Variants in MIGA1 observed in about 807,000 individuals in gnomAD.
MIGA1 encodes the protein family with sequence similarity 73, member A.
A neutral mutation model predicts 82.0 loss-of-function variants in MIGA1; 58 were observed. That is an observed-to-expected ratio of 0.71 (90% confidence interval 0.57 to 0.88). MIGA1 has a LOEUF of 0.88. MIGA1 is among the 40% of genes least tolerant of loss of function. The pLI, the probability that MIGA1 is intolerant of heterozygous loss-of-function variation, is 0.00. For missense variants in MIGA1, 751 were observed against 749.1 expected (o/e 1.00, Z -0.03); for synonymous variants, 249 against 253.6 (o/e 0.98, Z 0.17).
intron 7 of MIGA1, among the ~76,000 whole-genome samples, chr1:77,829,746 C>T (rs1476560212): frequency 6.6e-6 from 1 of 152,174 alleles, no homozygotes; most frequent in Non-Finnish European, 1.5e-5. Context: ...CCTGAGATTA[C>T]AGGCGTGACC....
chr1:77,855,160 C>T lies in MIGA1; in HGVS notation c.997-3778C>T, dbSNP rs146188681. On this transcript the variant is annotated intron_variant, in intron 8 of 15. Coordinates refer to ENST00000370791, the MANE Select transcript of MIGA1 (RefSeq NM_198549.4). ...CATTTGTTGAAAAGGGTGTCTTTTC[C>T]CCATTTTATGTTTTTGTTTGTTTTG... 4.4e-3 allele frequency among the ~76,000 whole-genome samples: 676 copies of T among 152,152 alleles called. 3 individuals are homozygous for T. The highest frequency in any genetic ancestry group is 0.041 in the Middle Eastern group (12 of 294).
intron 8 of MIGA1, 121 bp downstream of exon 8, chr1:77,843,528 G>T: frequency 1.5e-6 from 1 of 679,316 alleles, no homozygotes. Context: ...TGTGGTAGGT[G>T]CCAGGATACA....
chr1:77,870,181 C>T (rs1685892503), intron 14 of MIGA1, among the ~76,000 whole-genome samples: 1 of 116,090 alleles, frequency 8.6e-6, no homozygotes, highest in Non-Finnish European at 2.0e-5. Flanking sequence ...AGAGGAGCCC[C>T]TCACCTCCCG....
In MIGA1 at chr1:77,877,831, CTTTTTT is replaced by C. The variant is rs1002728978; in HGVS notation, c.*2768_*2773del. The C allele has an allele frequency of 1.3e-5, 2 of 152,214 alleles. No homozygotes were observed. The highest frequency in any genetic ancestry group is 4.8e-5 in the African/African-American group (2 of 41,360). The allele number at this position is 152,214 out of a possible 1,614,324, so 9.4% of individuals were successfully genotyped here. On this transcript the variant is annotated 3_prime_UTR_variant, in exon 16 of 16. Coordinates refer to ENST00000370791, the MANE Select transcript of MIGA1 (RefSeq NM_198549.4). Reference sequence around the variant, plus strand: ...GTGTTGCTTTTTGTTTTTTCTTTTTCTTTTTTACATTTCATCTTAGAAAAAGTTGCT... The same window carrying C: ...GTGTTGCTTTTTGTTTTTTCTTTTTCACATTTCATCTTAGAAAAAGTTGCT...
intron 4 of MIGA1, among the ~76,000 whole-genome samples, chr1:77,805,503 G>A (rs952915303): frequency 1.4e-5 from 2 of 138,666 alleles, no homozygotes; most frequent in African/African-American, 5.3e-5. Flanking sequence ...TGTATTGATG[G>A]AATATACCTA....
intron 14 of MIGA1, among the ~76,000 whole-genome samples, chr1:77,872,583 A>C (rs1014297302): frequency 1.3e-5 from 2 of 152,218 alleles, no homozygotes; most frequent in African/African-American, 4.8e-5. Flanking sequence ...CCTGGGCTAC[A>C]GAGTGAGACC....
chr1:77,779,971 A>C (rs1300059571), intron 1 of MIGA1: 8 of 1,324,648 alleles, frequency 6.0e-6, no homozygotes. Flanking sequence ...GGGCCTGGTT[A>C]GTACTTGCAT....
Position 77,878,280 on chromosome 1 carries a change from G to T in MIGA1, c.*3216G>T, listed in dbSNP as rs1422088741. The T allele has an allele frequency of 2.6e-5, 4 of 151,498 alleles. No homozygotes were observed. The highest frequency in any genetic ancestry group is 4.9e-5 in the African/African-American group (2 of 41,122). The allele number at this position is 151,498 out of a possible 1,614,324, so 9.4% of individuals were successfully genotyped here. The stretch of plus-strand genomic sequence containing the variant: ...ATGGTGGCGCATGCCTGTAATCCCA[G>T]CTACTCGAGAGGCTGAGGCAGGAGA... On this transcript the variant is annotated 3_prime_UTR_variant, in exon 16 of 16. Transcript: ENST00000370791.
At chr1:77,809,092 G>C (rs148870803) in intron 5 of MIGA1, among the ~76,000 whole-genome samples, 1 of 151,854 alleles carries the variant, frequency 6.6e-6, no homozygotes, top group South Asian at 2.1e-4. Context: ...CTGGGTGACA[G>C]AGCCCGTTTT....
rs1221129836 is a variant in MIGA1 at position 77,803,416 on chromosome 1, G to GA, written c.510+16dup. On this transcript the variant is annotated intron_variant, in intron 4 of 15. Coordinates refer to ENST00000370791, the MANE Select transcript of MIGA1 (RefSeq NM_198549.4). ...ACAGAGTTTGGCCTCTGTAAGTACA[G>GA]AAAAAATATTAATTTTTAAAATTTT... 3 of 1,409,496 alleles carry GA rather than the reference G, an allele frequency of 2.1e-6. No individual in the cohort carries two copies. Among genetic ancestry groups the GA allele is most frequent in the Non-Finnish European group, 2.8e-6 (3 of 1,064,950 alleles). The allele number at this position is 1,409,496 out of a possible 1,614,324, so 87.3% of individuals were successfully genotyped here.
At chr1:77,780,662 C>T (rs1476502483) in intron 1 of MIGA1, among the ~76,000 whole-genome samples, 1 of 152,016 alleles carries the variant, frequency 6.6e-6, no homozygotes, top group Non-Finnish European at 1.5e-5. Flanking sequence ...TCACACAGGA[C>T]AATATTTTTG....
chr1:77,869,996 A>T (rs61778862), intron 14 of MIGA1, among the ~76,000 whole-genome samples: 3 of 100,936 alleles, frequency 3.0e-5, no homozygotes, highest in African/African-American at 1.1e-4. Context: ...GGATGGGGCG[A>T]CTGGCCGGGC....
chr1:77,873,190 T>C, intron 15 of MIGA1, 70 bp downstream of exon 15: 2 of 1,457,688 alleles, frequency 1.4e-6, no homozygotes, highest in Non-Finnish European at 9.4e-7. Context: ...TTATTCTGTT[T>C]TGTTTTGCTT....
intron 7 of MIGA1, among the ~76,000 whole-genome samples, chr1:77,824,762 A>T (rs1683965081): frequency 1.3e-5 from 2 of 152,226 alleles, no homozygotes; most frequent in African/African-American, 4.8e-5. Flanking sequence ...TATGATAAGA[A>T]AATAGCTTTG....
chr1:77,847,430 A>C lies in MIGA1; in HGVS notation c.996+4023A>C, dbSNP rs1000428043. On this transcript the variant is annotated intron_variant, in intron 8 of 15. Transcript: ENST00000370791. The stretch of plus-strand genomic sequence containing the variant: ...AGCCCAAGTATATTCACAACTTGCT[A>C]AAAGCAGTTGAGATCAGAAAAAAGG... 5.0e-6 allele frequency: 7 copies of C among 1,406,328 alleles called. No individual in the cohort carries two copies. In the African/African-American group the frequency reaches 8.5e-5, roughly 17 times the overall value. 87.1% of individuals were successfully genotyped at this position (1,406,328 alleles called of 1,614,324 possible). A position where few individuals can be genotyped will look rare whatever the true frequency, so the allele number is the denominator to read the frequency against.
In MIGA1 at chr1:77,844,113, A is replaced by AAATATATATAT. The variant is rs1296124524; in HGVS notation, c.996+707_996+708insATATATATATA. Reference sequence around the variant, plus strand: ...AAGACCCTGTCTTAAAAAAAAAAAAAATATATATATATATATATATATATA... The same window carrying AAATATATATAT: ...AAGACCCTGTCTTAAAAAAAAAAAAAAATATATATATATATATATATATATATATATATATA... On this transcript the variant is annotated intron_variant, in intron 8 of 15. Coordinates refer to ENST00000370791, the MANE Select transcript of MIGA1 (RefSeq NM_198549.4). Among the ~76,000 whole-genome samples, 172 of 90,002 alleles carry AAATATATATAT rather than the reference A, an allele frequency of 1.9e-3. 1 individual carries two copies. The highest frequency in any genetic ancestry group is 6.6e-3 in the African/African-American group (144 of 21,828). 59.0% of individuals were successfully genotyped at this position (90,002 alleles called of 152,430 possible).
chr1:77,795,354 CTT>C (rs1005397697), intron 2 of MIGA1, among the ~76,000 whole-genome samples: 1 of 140,120 alleles, frequency 7.1e-6, no homozygotes. Context: ...TTTTTCTTTT[CTT>C]TTTTTTTTTG....
chr1:77,813,877 A>T lies in MIGA1; in HGVS notation c.771+10A>T. ...TGAAGAAAATGTAGATGTAAGGGTG[A>T]TTGATTTGAGTGGTCTTCATAATAT... is the stretch of plus-strand genomic sequence containing the variant. On this transcript the variant is annotated intron_variant, in intron 6 of 15. Coordinates refer to ENST00000370791, the MANE Select transcript of MIGA1 (RefSeq NM_198549.4). 6.2e-7 allele frequency: 1 copy of T among 1,612,516 alleles called. No homozygotes were observed.
chr1:77,787,604 G>A (rs776558860), intron 2 of MIGA1, among the ~76,000 whole-genome samples: 1 of 151,806 alleles, frequency 6.6e-6, no homozygotes, highest in Admixed American at 6.6e-5. Context: ...GGCCAGGCTC[G>A]TCTGGAACTC....
Sources: gnomAD v4.1 joint callset for allele counts (sites outside exome capture counted in the v4.1 genomes callset) on GRCh38, gnomAD v4.1.1 for gene constraint, MANE v1.5 for transcripts, NCBI Gene and HGNC (gene_info 2026-07-23, HGNC 2026-07-21) for gene names.